ITGA11: variants seen among roughly 807,000 people sequenced by gnomAD.
ITGA11 encodes integrin subunit alpha 11, also known as integrin alpha-11.
In ITGA11, 97 loss-of-function variants were observed where a neutral mutation model predicts 141.9. That is an observed-to-expected ratio of 0.68 (90% confidence interval 0.58 to 0.81). The LOEUF (loss-of-function observed/expected upper bound fraction) is 0.81, where lower values mean the gene tolerates loss of function less well. Ranked by LOEUF, ITGA11 falls within the 30% of genes least tolerant of loss-of-function variation. ITGA11 has a pLI of 0.00. For missense variants in ITGA11, 1,387 were observed against 1,559.2 expected (o/e 0.89, Z 1.86); for synonymous variants, 658 against 624.6 (o/e 1.05, Z -0.80).
chr15:68,324,169 G>T lies in ITGA11; in HGVS notation c.2322+962C>A, dbSNP rs1391355456. ...AGGTGTGAGGACGGAGGTTTGGCAG[G>T]GGACTGTGGGAGGCCTGGGGAGAGG... On this transcript the variant is annotated intron_variant, in intron 18 of 29. Transcript: ENST00000315757. The surrounding 1 kb of genome is among the most constrained non-coding windows in gnomAD (Gnocchi z 6.3). Among the ~76,000 whole-genome samples the T allele has an allele frequency of 6.6e-6, 1 of 152,184 alleles. No homozygotes were observed. Among genetic ancestry groups the T allele is most frequent in the East Asian group, 1.9e-4 (1 of 5,174 alleles).
chr15:68,309,437 A>G (rs1292314989), intron 26 of ITGA11, among the ~76,000 whole-genome samples: 2 of 152,198 alleles, frequency 1.3e-5, no homozygotes, highest in African/African-American at 4.8e-5. Flanking sequence ...GTTTGTGGAA[A>G]AATGGAATTA....
chr15:68,408,113 T>C (rs971315791), intron 1 of ITGA11, among the ~76,000 whole-genome samples: 4 of 152,212 alleles, frequency 2.6e-5, no homozygotes, highest in Non-Finnish European at 5.9e-5. Context: ...TAGGTCCCTT[T>C]TCTGCTCCTC....
Position 68,392,025 on chromosome 15 carries a change from G to A in ITGA11, c.164+10893C>T, listed in dbSNP as rs143543732. On this transcript the variant is annotated intron_variant, in intron 2 of 29. Coordinates refer to ENST00000315757, the MANE Select transcript of ITGA11 (RefSeq NM_001004439.2). The stretch of plus-strand genomic sequence containing the variant: ...CAAATCCTTAATTCAGTCTGTCAAA[G>A]TAAGTTCTTTGAGCACCTACTAAAC... Among the ~76,000 whole-genome samples the A allele has an allele frequency of 1.1e-4, 17 of 152,286 alleles. No individual in the cohort carries two copies. The East Asian group carries it at 3.1e-3, about 28-fold the overall frequency.
chr15:68,371,346 C>A (rs1038116547), intron 2 of ITGA11, among the ~76,000 whole-genome samples: 1 of 152,194 alleles, frequency 6.6e-6, no homozygotes, highest in Non-Finnish European at 1.5e-5. Context: ...TCCTCCCGGG[C>A]ACTGTTGCCA....
intron 4 of ITGA11, chr15:68,362,002 C>T: frequency 6.8e-6 from 2 of 292,980 alleles, no homozygotes; most frequent in Non-Finnish European, 1.3e-5. Flanking sequence ...ACCCTACCTG[C>T]CCACCCCACT....
At position 68,312,792 on chromosome 15, in the gene ITGA11, G is replaced by A; in HGVS notation, c.2954C>T (p.Pro985Leu). The change falls in exon 24 of 30, where the codon CCC becomes CTC. Residue 985 changes from proline (P) to leucine (L), a missense_variant. Coordinates refer to ENST00000315757, the MANE Select transcript of ITGA11 (RefSeq NM_001004439.2). Reference sequence around the variant, plus strand: ...CCTCACCCTGAAGATGCAGCTGAAGGGAGGCCCGATACCATCGTATCTCTC... The same window carrying A: ...CCTCACCCTGAAGATGCAGCTGAAGAGAGGCCCGATACCATCGTATCTCTC... ...SLERYDGIGPPFSCIFRIQNL... is the reference protein window; with the variant it reads ...SLERYDGIGPLFSCIFRIQNL... 1 of 1,613,400 alleles carries A rather than the reference G, an allele frequency of 6.2e-7. No individual in the cohort carries two copies. The highest frequency in any genetic ancestry group is 8.5e-7 in the Non-Finnish European group (1 of 1,179,510).
chr15:68,417,468 A>C (rs1173017986), intron 1 of ITGA11, among the ~76,000 whole-genome samples: 1 of 152,058 alleles, frequency 6.6e-6, no homozygotes, highest in Non-Finnish European at 1.5e-5. Flanking sequence ...TTAGACTTGC[A>C]CTAGAGTTTT....
intron 10 of ITGA11, 55 bp downstream of exon 10, chr15:68,348,775 A>G: frequency 1.4e-6 from 2 of 1,462,232 alleles, no homozygotes; most frequent in Non-Finnish European, 1.9e-6. Context: ...AAAGGGGAAG[A>G]GCATGCCCTC....
chr15:68,394,783 G>T (rs922129772), intron 2 of ITGA11, among the ~76,000 whole-genome samples: 54 of 152,198 alleles, frequency 3.5e-4, no homozygotes, highest in Non-Finnish European at 1.0e-4. Context: ...AAGATAATAG[G>T]AGGCTAATAT....
intron 1 of ITGA11, among the ~76,000 whole-genome samples, chr15:68,408,552 C>T (rs1053075699): frequency 6.6e-6 from 1 of 151,946 alleles, no homozygotes; most frequent in Admixed American, 6.6e-5. Flanking sequence ...TCACGGGAAG[C>T]ACGTGGAGTG....
chr15:68,309,590 C>CTTTTTTTT (rs913221357), intron 26 of ITGA11, among the ~76,000 whole-genome samples: 1 of 108,736 alleles, frequency 9.2e-6, no homozygotes, highest in African/African-American at 3.6e-5. Flanking sequence ...CAATACAGTC[C>CTTTTTTTT]TTTTTTTTTT....
chr15:68,327,746 G>T (rs552262279), intron 16 of ITGA11, among the ~76,000 whole-genome samples: 688 of 86,866 alleles, frequency 7.9e-3, no homozygotes, highest in Non-Finnish European at 0.014. Context: ...CCCCCCTGTA[G>T]GACTCCTGGG....
chr15:68,383,366 C>T (rs1895909177), intron 2 of ITGA11, among the ~76,000 whole-genome samples: 1 of 152,026 alleles, frequency 6.6e-6, no homozygotes. Context: ...TTATCCAAGC[C>T]TGCAGAAAAC....
At chr15:68,360,031 C>G (rs930515336) in intron 5 of ITGA11, among the ~76,000 whole-genome samples, 2 of 152,176 alleles carry the variant, frequency 1.3e-5, no homozygotes, top group Non-Finnish European at 2.9e-5. Context: ...CTGTTGCAGG[C>G]TTTGTGTTTA....
chr15:68,316,829 C>T (rs1241056648), intron 21 of ITGA11, among the ~76,000 whole-genome samples: 1 of 152,250 alleles, frequency 6.6e-6, no homozygotes, highest in South Asian at 2.1e-4. Flanking sequence ...TTCCCAGCTA[C>T]TTTGCTTCTC....
chr15:68,407,612 C>CCA lies in ITGA11; in HGVS notation c.53-4585_53-4584dup, dbSNP rs1394967863. On this transcript the variant is annotated intron_variant, in intron 1 of 29. Transcript: ENST00000315757. ...GTTGGGAGCCTGGTTGGGCAGCTTGCCACTGTTCTGCCCTTGATATTGATG... is the reference window on the plus strand; with the variant it reads ...GTTGGGAGCCTGGTTGGGCAGCTTGCCACACTGTTCTGCCCTTGATATTGATG... 6.6e-5 allele frequency among the ~76,000 whole-genome samples: 10 copies of CCA among 152,276 alleles called. No individual in the cohort carries two copies. In the South Asian group the frequency reaches 1.9e-3, roughly 28 times the overall value.
intron 2 of ITGA11, among the ~76,000 whole-genome samples, chr15:68,398,038 G>A (rs1347140772): frequency 2.0e-4 from 30 of 150,966 alleles, no homozygotes; most frequent in Middle Eastern, 3.4e-3. Context: ...GGTACCAGCC[G>A]CTGCAAAATC....
rs1186595790 is a variant in ITGA11 at position 68,324,542 on chromosome 15, A to C, written c.2322+589T>G. Among the ~76,000 whole-genome samples, 1 of 152,130 alleles carries C rather than the reference A, an allele frequency of 6.6e-6. No homozygotes were observed. Among genetic ancestry groups the C allele is most frequent in the Non-Finnish European group, 1.5e-5 (1 of 68,036 alleles). ...TTTTCCTTGAGTGGGATTTACATGG[A>C]GTTGCGGCTGCAGGGAGCATTTGAA... On this transcript the variant is annotated intron_variant, in intron 18 of 29. Transcript: ENST00000315757. The surrounding 1 kb of genome is among the most constrained non-coding windows in gnomAD (Gnocchi z 6.3).
At chr15:68,365,741 TTTTC>T (rs1175214532) in intron 3 of ITGA11, among the ~76,000 whole-genome samples, 2 of 151,434 alleles carry the variant, frequency 1.3e-5, no homozygotes, top group Admixed American at 6.6e-5. Flanking sequence ...CTCCCTTTTC[TTTTC>T]TTTTTTTTGA....
Sources: gnomAD v4.1 joint callset for allele counts (sites outside exome capture counted in the v4.1 genomes callset) on GRCh38, gnomAD v4.1.1 for gene constraint, Gnocchi (gnomAD v3.1) non-coding constraint, MANE v1.5 for transcripts, NCBI Gene and HGNC (gene_info 2026-07-23, HGNC 2026-07-21) for gene names.